KDM6B: variants seen among roughly 807,000 people sequenced by gnomAD.
KDM6B encodes lysine-specific demethylase 6B.
In KDM6B, 22 loss-of-function variants were observed where a neutral mutation model predicts 150.4. The observed-to-expected ratio is 0.15, with a 90% confidence interval of 0.10 to 0.21. The LOEUF (loss-of-function observed/expected upper bound fraction) is 0.21. Ranked by LOEUF, KDM6B falls within the 10% of genes least tolerant of loss-of-function variation. The probability of loss-of-function intolerance (pLI) is 1.00; values close to 1 mark genes in which losing one functional copy is unlikely to be tolerated. For synonymous variants in KDM6B, 1,148 were observed against 921.1 expected (o/e 1.25, Z -4.46); for missense variants, 1,984 against 2,234.3 (o/e 0.89, Z 2.26).
In KDM6B at chr17:7,852,265, C is replaced by T. The variant is rs1186082872; in HGVS notation, c.4397C>T (p.Ala1466Val). Residue 1466 changes from alanine (A) to valine (V), a missense_variant, in exon 20 of 24, where the codon GCG becomes GTG. Transcript: ENST00000448097. Reference protein sequence around the residue: ...QRPGDLVWINAGTVHWVQATG... With the variant: ...QRPGDLVWINVGTVHWVQATG... ...CCCGGAGACCTCGTGTGGATTAATG[C>T]GGGGACTGTGCACTGGGTGCAGGCC... is the stretch of plus-strand genomic sequence containing the variant. 1 of 1,614,036 alleles carries T rather than the reference C, an allele frequency of 6.2e-7. No homozygotes were observed.
intron 1 of KDM6B, among the ~76,000 whole-genome samples, chr17:7,835,154 T>C (rs1006534274): frequency 2.4e-4 from 36 of 151,830 alleles, no homozygotes; most frequent in Non-Finnish European, 2.1e-4. Context: ...TCACAGGAAA[T>C]TGTGGGCAGG....
chr17:7,846,281 T>C lies in KDM6B; in HGVS notation c.440T>C (p.Ile147Thr), dbSNP rs1259313427. Residue 147 changes from isoleucine (I) to threonine (T), a missense_variant, in exon 7 of 24, where the codon ATT becomes ACT. This residue lies in a region of KDM6B where 337 missense variants were observed against 323.9 expected (regional missense o/e 1.04). Coordinates refer to ENST00000448097, the MANE Select transcript of KDM6B (RefSeq NM_001348716.2). ...AGCTTCGCTGAGCTGGGGCCCCGCA[T>C]TGGCCGACTGCAGCAGGTAGGAGAA... ...GGSFAELGPRIGRLQQAQLWN... is the reference protein window; with the variant it reads ...GGSFAELGPRTGRLQQAQLWN... The C allele has an allele frequency of 2.5e-6, 4 of 1,613,276 alleles. No individual in the cohort carries two copies. Among genetic ancestry groups the C allele is most frequent in the Non-Finnish European group, 3.4e-6 (4 of 1,179,712 alleles).
chr17:7,846,370 T>TGGGGCGGC, intron 7 of KDM6B, 30 bp from the exon 8 acceptor site: 1 of 1,501,960 alleles, frequency 6.7e-7, no homozygotes, highest in Non-Finnish European at 9.1e-7. Flanking sequence ...ACCTGACATC[T>TGGGGCGGC]GCCCCTGCCC....
intron 1 of KDM6B, among the ~76,000 whole-genome samples, chr17:7,839,546 A>G (rs916184904): frequency 2.6e-5 from 4 of 152,138 alleles, no homozygotes; most frequent in Admixed American, 2.6e-4. Flanking sequence ...GAGGGTCTGC[A>G]TGCCCTGGTG....
chr17:7,844,089 G>T lies in KDM6B; in HGVS notation c.-268-812G>T, dbSNP rs1248740223. 1 of 101,974 alleles carries T rather than the reference G, an allele frequency of 9.8e-6. No individual in the cohort carries two copies. Among genetic ancestry groups the T allele is most frequent in the Non-Finnish European group, 1.8e-5 (1 of 54,584 alleles). 6.3% of individuals were successfully genotyped at this position (101,974 alleles called of 1,614,324 possible). A position where few individuals can be genotyped will look rare whatever the true frequency, so the allele number is the denominator to read the frequency against. On this transcript the variant is annotated intron_variant, in intron 2 of 23. Coordinates refer to ENST00000448097, the MANE Select transcript of KDM6B (RefSeq NM_001348716.2). This position sits in a 1 kb window ranked among gnomAD's most constrained non-coding sequence, Gnocchi z 5.9. Reference sequence around the variant, plus strand: ...CCCCCGCAGTACATTTACACACACCGCTTCCGCTGCGCAAGTAGCCACGTC... The same window carrying T: ...CCCCCGCAGTACATTTACACACACCTCTTCCGCTGCGCAAGTAGCCACGTC...
chr17:7,848,103 C>T lies in KDM6B; in HGVS notation c.1815C>T (p.Ala605=), dbSNP rs1329468361. The change falls in exon 12 of 24, where the codon GCC becomes GCT. Residue 605 remains alanine, a synonymous_variant. Coordinates refer to ENST00000448097, the MANE Select transcript of KDM6B (RefSeq NM_001348716.2). ...CACCTCTTGTACCCCTGACTCTTGC[C>T]CTGCCTCCAGCCCCTCCTTCCTCCT... The part of the protein sequence containing the change: ...QDPPLVPLTL[A]LPPAPPSSCH... The T allele has an allele frequency of 6.2e-7, 1 of 1,612,924 alleles. No individual in the cohort carries two copies. The highest frequency in any genetic ancestry group is 2.2e-5 in the East Asian group (1 of 44,832).
In KDM6B at chr17:7,851,277, G is replaced by A. The variant is rs750046452; in HGVS notation, c.3879+51G>A. 41 of 1,613,466 alleles carry A rather than the reference G, an allele frequency of 2.5e-5. No individual in the cohort carries two copies. The Admixed American group carries it at 6.3e-4, about 25-fold the overall frequency. The stretch of plus-strand genomic sequence containing the variant: ...AGGTCCTGGGACGGGGCTGCGGTGG[G>A]AGGGCTCTCGAAAGGTCTCTGACCC... On this transcript the variant is annotated intron_variant, in intron 15 of 23. Transcript: ENST00000448097.
At chr17:7,846,371 G>GGGGGGGGCCCCCCCCCCCCC in intron 7 of KDM6B, 29 bp from the exon 8 acceptor site, 1 of 1,488,926 alleles carries the variant, frequency 6.7e-7, no homozygotes, top group Non-Finnish European at 9.2e-7. Context: ...CCTGACATCT[G>GGGGGGGGCCCCCCCCCCCCC]CCCCTGCCCC....
At chr17:7,841,231 T>C (rs1405626662) in intron 2 of KDM6B, among the ~76,000 whole-genome samples, 1 of 152,208 alleles carries the variant, frequency 6.6e-6, no homozygotes, top group African/African-American at 2.4e-5. Flanking sequence ...CTAGCAGTTA[T>C]CACCACAGTG....
rs1597820921 is a variant in KDM6B at position 7,839,889 on chromosome 17, T to G, written c.-387-17T>G. 1 of 152,518 alleles carries G rather than the reference T, an allele frequency of 6.6e-6. No individual in the cohort carries two copies. The highest frequency in any genetic ancestry group is 2.1e-4 in the South Asian group (1 of 4,828). The allele number at this position is 152,518 out of a possible 1,614,324, so 9.4% of individuals were successfully genotyped here. On this transcript the variant is annotated splice_polypyrimidine_tract_variant and intron_variant, in intron 1 of 23. Coordinates refer to ENST00000448097, the MANE Select transcript of KDM6B (RefSeq NM_001348716.2). The stretch of plus-strand genomic sequence containing the variant: ...ATCCTGGAAGACCCCCACCTCTAAC[T>G]GACTTTTTTCTTTTAGGTTCCCCCC...
In KDM6B at chr17:7,853,553, G is replaced by C; in HGVS notation, c.*32G>C. The C allele has an allele frequency of 7.1e-7, 1 of 1,407,670 alleles. No homozygotes were observed. The highest frequency in any genetic ancestry group is 9.2e-7 in the Non-Finnish European group (1 of 1,081,650). The allele number at this position is 1,407,670 out of a possible 1,614,324, so 87.2% of individuals were successfully genotyped here. ...ACGCCCCGCCCGCCTGCCTGCCCGCGCAAGGCGCCGCGGGGCCACCAGCAC... is the reference window on the plus strand; with the variant it reads ...ACGCCCCGCCCGCCTGCCTGCCCGCCCAAGGCGCCGCGGGGCCACCAGCAC... On this transcript the variant is annotated 3_prime_UTR_variant, in exon 24 of 24. Transcript: ENST00000448097.
chr17:7,845,831 G>T (rs1029688182), intron 5 of KDM6B, 41 bp from the exon 6 acceptor site: 4 of 1,594,858 alleles, frequency 2.5e-6, no homozygotes, highest in Non-Finnish European at 3.4e-6. Flanking sequence ...GGACAAGACT[G>T]CTCCTTTTTG....
At position 7,848,989 on chromosome 17, in the gene KDM6B, C is replaced by T. The variant is rs764195526; in HGVS notation, c.2701C>T (p.Pro901Ser). The change falls in exon 12 of 24, where the codon CCC becomes TCC. Residue 901 changes from proline to serine, a missense_variant. Physicochemically the swap from Pro to Ser is moderately conservative, Grantham distance 74 (BLOSUM62 -1). This residue lies in a region of KDM6B where 1,379 missense variants were observed against 1,275.6 expected (regional missense o/e 1.08). Coordinates refer to ENST00000448097, the MANE Select transcript of KDM6B (RefSeq NM_001348716.2). ...CATGACCCCCACCCAACCGCCCCCA[C>T]CCCTATCTCTGCCCCCTGCTCGCTC... ...GPMTPTQPPPPLSLPPARSES... is the reference protein window; with the variant it reads ...GPMTPTQPPPSLSLPPARSES... 6.9e-5 allele frequency: 109 copies of T among 1,583,418 alleles called. No individual in the cohort carries two copies. Among genetic ancestry groups the T allele is most frequent in the Non-Finnish European group, 9.2e-5 (107 of 1,163,266 alleles).
At chr17:7,849,775 C>T in intron 12 of KDM6B, 46 bp from the exon 13 acceptor site, 1 of 1,612,862 alleles carries the variant, frequency 6.2e-7, no homozygotes, top group Non-Finnish European at 8.5e-7. Context: ...GCTCCCTTCC[C>T]CCATCACCCT....
rs773116497 is a variant in KDM6B, at chr17:7,848,221, C to G, written c.1933C>G (p.Pro645Ala). Residue 645 changes from proline to alanine, a missense_variant, in exon 12 of 24, where the codon CCC (proline) becomes GCC (alanine). Physicochemically the swap from Pro to Ala is conservative, Grantham distance 27. Coordinates refer to ENST00000448097, the MANE Select transcript of KDM6B (RefSeq NM_001348716.2). ...GACCCCCGAGGTGGGGCCGGGGCCA[C>G]CCCCAGGCCCCCTGAGTAAAGCCCC... ...PKTPEVGPGP[P>A]PGPLSKAPQP... The G allele has an allele frequency of 6.2e-7, 1 of 1,605,728 alleles. No individual in the cohort carries two copies. Among genetic ancestry groups the G allele is most frequent in the Non-Finnish European group, 8.5e-7 (1 of 1,173,750 alleles).
chr17:7,840,705 A>T (rs370461591), intron 2 of KDM6B: 1 of 152,146 alleles, frequency 6.6e-6, no homozygotes, highest in Non-Finnish European at 1.5e-5. Context: ...TCCTCATTAC[A>T]TATGGGGTTT....
chr17:7,836,990 C>T (rs942134133), intron 1 of KDM6B, among the ~76,000 whole-genome samples: 2 of 152,172 alleles, frequency 1.3e-5, no homozygotes, highest in African/African-American at 4.8e-5. Context: ...TCTCCCTTCC[C>T]GTGGTCTTAG....
At chr17:7,838,969 C>T (rs140874938) in intron 1 of KDM6B, among the ~76,000 whole-genome samples, 286 of 152,106 alleles carry the variant, frequency 1.9e-3, no homozygotes, top group African/African-American at 5.7e-3. Flanking sequence ...AGACTGGGGG[C>T]TAGAGGCCTG....
At position 7,853,626 on chromosome 17, in the gene KDM6B, G is replaced by C; in HGVS notation, c.*105G>C. On this transcript the variant is annotated 3_prime_UTR_variant, in exon 24 of 24. Transcript: ENST00000448097. Reference sequence around the variant, plus strand: ...CCGCCTGTGGCCGAGAAGGGGGTCGGGCCCAGCCCTTCCACCCCATTGGCA... The same window carrying C: ...CCGCCTGTGGCCGAGAAGGGGGTCGCGCCCAGCCCTTCCACCCCATTGGCA... The C allele has an allele frequency of 2.4e-6, 2 of 839,236 alleles. No individual in the cohort carries two copies. The highest frequency in any genetic ancestry group is 3.3e-6 in the Non-Finnish European group (2 of 615,246). The allele number at this position is 839,236 out of a possible 1,614,324, so 52.0% of individuals were successfully genotyped here. A position where few individuals can be genotyped will look rare whatever the true frequency, so the allele number is the denominator to read the frequency against.
Sources: allele counts gnomAD v4.1 joint callset (sites outside exome capture counted in the v4.1 genomes callset), GRCh38; gene constraint gnomAD v4.1.1; regional missense constraint gnomAD v4.1.1; non-coding constraint Gnocchi (gnomAD v3.1); transcripts MANE v1.5; gene names NCBI Gene and HGNC (gene_info 2026-07-23, HGNC 2026-07-21).